Variants in CELF4 observed in about 807,000 individuals in gnomAD.
CELF4 encodes CUG-BP- and ETR-3-like factor 4.
Under a neutral mutation model 59.9 loss-of-function variants are expected in CELF4, and 18 were observed. That is an observed-to-expected ratio of 0.30 (90% CI 0.21 to 0.45). The LOEUF (loss-of-function observed/expected upper bound fraction) is 0.45. CELF4 is among the 20% of genes least tolerant of loss of function. CELF4 has a pLI of 1.00. For missense variants in CELF4, 456 were observed against 689.0 expected (o/e 0.66, Z 3.79); for synonymous variants, 261 against 267.1 (o/e 0.98, Z 0.22).
intron 2 of CELF4, among the ~76,000 whole-genome samples, chr18:37,444,546 TTA>T (rs905769563): frequency 3.3e-5 from 5 of 151,258 alleles, no homozygotes; most frequent in Admixed American, 3.3e-4. Context: ...AAAGCCAAGG[TTA>T]CAGCCGTAAT....
chr18:37,393,938 C>T (rs1382195399), intron 2 of CELF4, among the ~76,000 whole-genome samples: 1 of 150,704 alleles, frequency 6.6e-6, no homozygotes, highest in Non-Finnish European at 1.5e-5. Context: ...GCAAAAACAC[C>T]CCACCTCCTC....
intron 10 of CELF4, among the ~76,000 whole-genome samples, chr18:37,259,710 AC>A (rs2073080027): frequency 6.6e-6 from 1 of 151,286 alleles, no homozygotes; most frequent in African/African-American, 2.4e-5. Context: ...TGCTGGGGAG[AC>A]CCCCCACTTT....
chr18:37,538,642 T>C (rs1454800740), intron 1 of CELF4, among the ~76,000 whole-genome samples: 1 of 152,218 alleles, frequency 6.6e-6, no homozygotes, highest in African/African-American at 2.4e-5. Context: ...CTCTGATTCT[T>C]TTTCATTCCA....
intron 3 of CELF4, among the ~76,000 whole-genome samples, chr18:37,281,469 C>T (rs2094132569): frequency 6.6e-6 from 1 of 152,226 alleles, no homozygotes; most frequent in Non-Finnish European, 1.5e-5. Context: ...TCTCTTCCCT[C>T]CAGCTGCTGA....
At chr18:37,469,933 C>T (rs1397355587) in intron 2 of CELF4, among the ~76,000 whole-genome samples, 2 of 152,090 alleles carry the variant, frequency 1.3e-5, no homozygotes, top group Non-Finnish European at 2.9e-5. Flanking sequence ...TAGCCCACCT[C>T]GCCACTTCAT....
At chr18:37,321,373 C>T (rs540687786) in intron 3 of CELF4, among the ~76,000 whole-genome samples, 8 of 152,306 alleles carry the variant, frequency 5.3e-5, no homozygotes, top group Admixed American at 1.3e-4. Flanking sequence ...TGAGTGCCCA[C>T]ACTCCCATGG....
At chr18:37,318,200 C>T (rs950126799) in intron 3 of CELF4, among the ~76,000 whole-genome samples, 4 of 152,104 alleles carry the variant, frequency 2.6e-5, no homozygotes, top group African/African-American at 4.8e-5. Context: ...CCTCCTTCTG[C>T]GGCCACTGCT....
At chr18:37,408,309 C>T (rs1160867741) in intron 2 of CELF4, among the ~76,000 whole-genome samples, 2 of 152,152 alleles carry the variant, frequency 1.3e-5, no homozygotes, top group African/African-American at 4.8e-5. Context: ...AAGCCTCCTT[C>T]TTTGAGTTGA....
At chr18:37,273,371 A>C (rs2092225888) in intron 6 of CELF4, 2 of 1,344,450 alleles carry the variant, frequency 1.5e-6, no homozygotes, top group Non-Finnish European at 1.9e-6. Context: ...GACTGTATTT[A>C]AAAGTAATGC....
chr18:37,320,644 C>T (rs1417935666), intron 3 of CELF4, among the ~76,000 whole-genome samples: 1 of 152,188 alleles, frequency 6.6e-6, no homozygotes, highest in Non-Finnish European at 1.5e-5. Flanking sequence ...CTGCTCGGAG[C>T]CTCCGTTTGG....
At chr18:37,406,338 G>A (rs1792610716) in intron 2 of CELF4, among the ~76,000 whole-genome samples, 1 of 152,086 alleles carries the variant, frequency 6.6e-6, no homozygotes, top group South Asian at 2.1e-4. Flanking sequence ...AGAGGGAGGA[G>A]AGATTCCCCA....
intron 2 of CELF4, among the ~76,000 whole-genome samples, chr18:37,375,191 G>A (rs1370966184): frequency 6.6e-6 from 1 of 152,166 alleles, no homozygotes; most frequent in African/African-American, 2.4e-5. Flanking sequence ...TTGCCGCAGA[G>A]TATAAATATT....
rs143911168 is a variant in CELF4 at position 37,563,853 on chromosome 18, C to T, written c.286+1503G>A. Among the ~76,000 whole-genome samples the T allele has an allele frequency of 1.2e-4, 18 of 152,272 alleles. No individual in the cohort carries two copies. The East Asian group carries it at 3.5e-3, about 29-fold the overall frequency. ...AAGATACTAAAGCCAATAAAAACTG[C>T]TCTCTGGGACTCCAACTATGAAGAG... On this transcript the variant is annotated intron_variant, in intron 1 of 12. Transcript: ENST00000420428.
At chr18:37,394,309 G>T (rs2099211224) in intron 2 of CELF4, among the ~76,000 whole-genome samples, 1 of 152,216 alleles carries the variant, frequency 6.6e-6, no homozygotes, top group Non-Finnish European at 1.5e-5. Flanking sequence ...GCTGGGGGAC[G>T]GAATTGGGCG....
intron 2 of CELF4, among the ~76,000 whole-genome samples, chr18:37,482,469 T>C (rs1001274959): frequency 3.3e-5 from 5 of 152,140 alleles, no homozygotes; most frequent in Non-Finnish European, 5.9e-5. Context: ...TACTAAAACA[T>C]GCCAAACTCA....
intron 3 of CELF4, 83 bp downstream of exon 3, chr18:37,321,720 T>A: frequency 1.1e-6 from 1 of 936,660 alleles, no homozygotes; most frequent in Non-Finnish European, 1.6e-6. Context: ...AGGCGGGGAG[T>A]CGCTGCATCG....
Position 37,267,771 on chromosome 18 carries a change from C to T in CELF4, c.1100-1173G>A, listed in dbSNP as rs148417539. ...GGCACCTGGGCTGGGCACGGTGGCT[C>T]ATGCCTGCAATCCCAACACTTTGGG... On this transcript the variant is annotated intron_variant, in intron 8 of 12. Transcript: ENST00000420428. 2.4e-3 allele frequency among the ~76,000 whole-genome samples: 364 copies of T among 152,174 alleles called. 2 individuals carry two copies. The highest frequency in any genetic ancestry group is 8.4e-3 in the African/African-American group (348 of 41,490).
intron 2 of CELF4, among the ~76,000 whole-genome samples, chr18:37,407,367 G>GC (rs1326971778): frequency 6.6e-6 from 1 of 152,166 alleles, no homozygotes; most frequent in Non-Finnish European, 1.5e-5. Flanking sequence ...CATGGCACCT[G>GC]CCTGGCCATT....
At chr18:37,361,475 G>A (rs2098702248) in intron 2 of CELF4, among the ~76,000 whole-genome samples, 1 of 152,196 alleles carries the variant, frequency 6.6e-6, no homozygotes, top group Non-Finnish European at 1.5e-5. Context: ...CATTAGCGAA[G>A]TTATTTAGAC....
Sources: gnomAD v4.1 joint callset for allele counts (sites outside exome capture counted in the v4.1 genomes callset) on GRCh38, gnomAD v4.1.1 for gene constraint, MANE v1.5 for transcripts, NCBI Gene and HGNC (gene_info 2026-07-23, HGNC 2026-07-21) for gene names.